RBFOX3: variants seen among roughly 807,000 people sequenced by gnomAD.
RBFOX3 encodes the protein RNA binding protein fox-1 homolog 3.
A neutral mutation model predicts 48.7 loss-of-function variants in RBFOX3; 17 were observed. The ratio of observed to expected loss-of-function variants is 0.35; its 90% CI spans 0.24 to 0.52. The LOEUF is 0.52. RBFOX3 is among the 20% of genes least tolerant of loss of function. The pLI is 0.94. For synonymous variants in RBFOX3, 212 were observed against 209.5 expected (o/e 1.01, Z -0.10); for missense variants, 382 against 497.5 (o/e 0.77, Z 2.21).
intron 1 of RBFOX3, among the ~76,000 whole-genome samples, chr17:79,567,315 C>T (rs1451793294): frequency 2.0e-5 from 3 of 151,816 alleles, no homozygotes; most frequent in Non-Finnish European, 2.9e-5. Context: ...TCCCTAGTAG[C>T]TGGGATTATA....
chr17:79,174,496 A>T (rs8072165), intron 4 of RBFOX3, among the ~76,000 whole-genome samples: 24,425 of 151,672 alleles, frequency 0.16, 2,978 homozygotes, highest in African/African-American at 0.34. Context: ...ATACTGACAC[A>T]TGTCCACAAT....
chr17:79,438,163 ATGT>A lies in RBFOX3; in HGVS notation c.-175+44288_-175+44290del, dbSNP rs564112693. Among the ~76,000 whole-genome samples, 44 of 152,162 alleles carry A rather than the reference ATGT, an allele frequency of 2.9e-4. 2 individuals carry two copies. In the East Asian group the frequency reaches 8.1e-3, roughly 28 times the overall value. On this transcript the variant is annotated intron_variant, in intron 2 of 14. Transcript: ENST00000693108. The stretch of plus-strand genomic sequence containing the variant: ...TCTAAATGCAGCTGCAGTGACCTTC[ATGT>A]TGTTGAAAAGAAAACCTCCTTCTGT...
At chr17:79,300,206 T>C (rs1027153939) in intron 3 of RBFOX3, among the ~76,000 whole-genome samples, 4 of 152,218 alleles carry the variant, frequency 2.6e-5, no homozygotes, top group African/African-American at 9.6e-5. Context: ...GCCCGACTCC[T>C]GCCAACACCT....
intron 1 of RBFOX3, among the ~76,000 whole-genome samples, chr17:79,581,719 C>A (rs1309048524): frequency 1.3e-5 from 2 of 152,264 alleles, no homozygotes; most frequent in Admixed American, 1.3e-4. Context: ...TGGAGGAGGG[C>A]AGGTGCCACC....
intron 2 of RBFOX3, among the ~76,000 whole-genome samples, chr17:79,339,421 A>C (rs1005264973): frequency 3.9e-5 from 6 of 152,116 alleles, no homozygotes; most frequent in Non-Finnish European, 7.4e-5. Context: ...CCCATCGCCT[A>C]CCTCAAGAAA....
At chr17:79,546,828 C>A (rs2090507018) in intron 1 of RBFOX3, among the ~76,000 whole-genome samples, 1 of 152,018 alleles carries the variant, frequency 6.6e-6, no homozygotes, top group Non-Finnish European at 1.5e-5. Context: ...CACCACCACA[C>A]CCGGCTAATT....
chr17:79,351,815 A>G (rs2083993178), intron 2 of RBFOX3, among the ~76,000 whole-genome samples: 1 of 151,864 alleles, frequency 6.6e-6, no homozygotes, highest in African/African-American at 2.4e-5. Context: ...GTCCTCTGAT[A>G]CCTCAGGTTT....
chr17:79,108,309 C>T (rs539023423), intron 5 of RBFOX3, among the ~76,000 whole-genome samples: 1 of 152,370 alleles, frequency 6.6e-6, no homozygotes, highest in Admixed American at 6.5e-5. Context: ...AGGCTGGTAG[C>T]ATGGTCTCCC....
At chr17:79,176,591 G>A (rs1453024730) in intron 4 of RBFOX3, among the ~76,000 whole-genome samples, 1 of 152,234 alleles carries the variant, frequency 6.6e-6, no homozygotes, top group Non-Finnish European at 1.5e-5. Flanking sequence ...CTCGAGTAAT[G>A]CGATTTGCAA....
chr17:79,112,904 C>CGGCGGGGGGGG (rs1307784460), intron 5 of RBFOX3, among the ~76,000 whole-genome samples: 59 of 10,248 alleles, frequency 5.8e-3, no homozygotes, highest in Middle Eastern at 0.062. Context: ...AGCAGGCTCT[C>CGGCGGGGGGGG]GGGGGGGGGG....
At chr17:79,643,148 A>G in the RBFOX3 span, among the ~76,000 whole-genome samples, 1 of 152,230 alleles carries the variant, frequency 6.6e-6, no homozygotes, top group Non-Finnish European at 1.5e-5. Context: ...CAATAAGCAT[A>G]AGAAGGCTAG....
intron 3 of RBFOX3, among the ~76,000 whole-genome samples, chr17:79,240,378 C>T (rs1010036286): frequency 1.2e-4 from 18 of 152,208 alleles, no homozygotes; most frequent in Non-Finnish European, 1.5e-4. Flanking sequence ...CCCTTCTCTC[C>T]CAAGATAGAT....
intron 1 of RBFOX3, among the ~76,000 whole-genome samples, chr17:79,549,796 T>C (rs2090952865): frequency 6.6e-6 from 1 of 152,206 alleles, no homozygotes; most frequent in South Asian, 2.1e-4. Flanking sequence ...GCAGCTGTGG[T>C]CACAGGCCTC....
chr17:79,579,215 C>T (rs1460850165), intron 1 of RBFOX3, among the ~76,000 whole-genome samples: 1 of 152,162 alleles, frequency 6.6e-6, no homozygotes, highest in Non-Finnish European at 1.5e-5. Context: ...GACTGGGCTC[C>T]CTGTCCCCTG....
chr17:79,533,879 G>A (rs1391532672), intron 1 of RBFOX3, among the ~76,000 whole-genome samples: 1 of 152,200 alleles, frequency 6.6e-6, no homozygotes, highest in African/African-American at 2.4e-5. Context: ...AATAACTCCT[G>A]TTAACATTTT....
Position 79,095,587 on chromosome 17 carries a change from T to C in RBFOX3, c.937-13A>G. 1 of 1,549,940 alleles carries C rather than the reference T, an allele frequency of 6.5e-7. No homozygotes were observed. The highest frequency in any genetic ancestry group is 8.7e-7 in the Non-Finnish European group (1 of 1,145,880). ...CTGCGTAGCCTCCCTGCAGGGTAAG[T>C]GGGAGGAGAGAGAGCAGAGGGACTT... is the stretch of plus-strand genomic sequence containing the variant. On this transcript the variant is annotated splice_polypyrimidine_tract_variant and intron_variant, in intron 12 of 14. Coordinates refer to ENST00000693108, the MANE Select transcript of RBFOX3 (RefSeq NM_001350451.2).
At chr17:79,306,825 C>A (rs1356834974) in intron 3 of RBFOX3, among the ~76,000 whole-genome samples, 1 of 152,228 alleles carries the variant, frequency 6.6e-6, no homozygotes, top group Non-Finnish European at 1.5e-5. Flanking sequence ...CTTTGCCATG[C>A]CTGATCCTCA....
At chr17:79,359,469 T>C (rs1028422730) in intron 2 of RBFOX3, among the ~76,000 whole-genome samples, 2 of 152,196 alleles carry the variant, frequency 1.3e-5, no homozygotes, top group African/African-American at 4.8e-5. Context: ...CCAAAGAGCA[T>C]ATTTTGCTGA....
intron 2 of RBFOX3, among the ~76,000 whole-genome samples, chr17:79,315,269 C>CT (rs1703823959): frequency 6.6e-6 from 1 of 152,224 alleles, no homozygotes; most frequent in Admixed American, 6.5e-5. Context: ...CCTCCAGACT[C>CT]TAGACCATCC....
Sources: gnomAD v4.1 joint callset for allele counts (sites outside exome capture counted in the v4.1 genomes callset) on GRCh38, gnomAD v4.1.1 for gene constraint, MANE v1.5 for transcripts, NCBI Gene and HGNC (gene_info 2026-07-23, HGNC 2026-07-21) for gene names.